CSMD2: variants seen among roughly 807,000 people sequenced by gnomAD.
CSMD2 encodes CUB and sushi domain-containing protein 2.
A neutral mutation model predicts 398.5 loss-of-function variants in CSMD2; 130 were observed. That is an observed-to-expected ratio of 0.33 (90% confidence interval 0.28 to 0.38). The LOEUF is 0.38. Among genes scored for constraint, CSMD2 ranks in the 10% least tolerant of loss-of-function variants. The pLI is 1.00. For synonymous variants in CSMD2, 1,828 were observed against 1,908.5 expected, an observed-to-expected ratio of 0.96 and a Z score of 1.10; for missense variants, 3,829 against 4,764.9, an observed-to-expected ratio of 0.80 and a Z score of 5.78.
chr1:33,810,862 G>A lies in CSMD2; in HGVS notation c.1327C>T (p.Arg443Cys), dbSNP rs756930638. 6 of 1,610,074 alleles carry A rather than the reference G, an allele frequency of 3.7e-6. No homozygotes were observed. The highest frequency in any genetic ancestry group is 1.3e-5 in the African/African-American group (1 of 74,500). ...WSDHRPVCRA[R>C]MCDAHLRGPS... is the part of the protein sequence containing the mutation. The stretch of plus-strand genomic sequence containing the variant: ...CCTCGAAGGTGGGCATCACACATGC[G>A]GGCTGCAGAGGAGATGAAAGACAAG... The change falls in exon 10 of 71, where the codon CGC (arginine) becomes TGC (cysteine). Residue 443 changes from arginine to cysteine, a missense_variant and splice_region_variant. Around this residue, in one of 5 missense-constraint regions of CSMD2, gnomAD observed 2,001 missense variants for 2,567.1 expected, o/e 0.78. Transcript: ENST00000373381.
intron 1 of CSMD2, among the ~76,000 whole-genome samples, chr1:34,102,116 C>T (rs554386942): frequency 8.5e-5 from 13 of 152,132 alleles, no homozygotes; most frequent in South Asian, 4.2e-4. Flanking sequence ...CTGCAAGCTC[C>T]GCTTCCCAGG....
Position 33,559,320 on chromosome 1 carries a change from T to A in CSMD2, c.8534A>T (p.Asp2845Val). ...CTCACTTCTGCAGGTGGGCAGCATG[T>A]CACTCCATTGCCCGCTGGCCAGGCA... ...SQCLASGQWS[D>V]MLPTCRIINC... The change falls in exon 54 of 71, where the codon GAC becomes GTC. Residue 2845 changes from aspartate to valine, a missense_variant. By Grantham distance (152) the Asp-to-Val change is radical (BLOSUM62 -3). This residue lies in a region of CSMD2 where 917 missense variants were observed against 1,199.5 expected (regional missense o/e 0.76). Coordinates refer to ENST00000373381, the MANE Select transcript of CSMD2 (RefSeq NM_001281956.2). This position sits in a 1 kb window ranked among gnomAD's most constrained non-coding sequence, Gnocchi z 4.0. 1.3e-6 allele frequency: 2 copies of A among 1,535,500 alleles called. No individual in the cohort carries two copies. Among genetic ancestry groups the A allele is most frequent in the South Asian group, 2.4e-5 (2 of 84,026 alleles).
At chr1:33,816,354 A>G (rs1657462818) in intron 9 of CSMD2, among the ~76,000 whole-genome samples, 1 of 152,092 alleles carries the variant, frequency 6.6e-6, no homozygotes, top group Non-Finnish European at 1.5e-5. Context: ...AAGAAATCAG[A>G]GCTGGTTGTT....
At chr1:34,037,110 T>TA (rs962692831) in intron 2 of CSMD2, among the ~76,000 whole-genome samples, 2 of 120,786 alleles carry the variant, frequency 1.7e-5, no homozygotes, top group Non-Finnish European at 3.5e-5. Context: ...CCTCTACCAA[T>TA]AAAAAATTAA....
chr1:33,905,286 A>G (rs1239839330), intron 5 of CSMD2, among the ~76,000 whole-genome samples: 2 of 152,210 alleles, frequency 1.3e-5, no homozygotes, highest in African/African-American at 2.4e-5. Flanking sequence ...GGGTAGTCCA[A>G]GCATAAAGGC....
intron 2 of CSMD2, among the ~76,000 whole-genome samples, chr1:34,069,278 G>A (rs1266225662): frequency 6.6e-6 from 1 of 152,164 alleles, no homozygotes; most frequent in Non-Finnish European, 1.5e-5. Flanking sequence ...ACAAAGCAGT[G>A]TGCTGAGGTC....
intron 2 of CSMD2, among the ~76,000 whole-genome samples, chr1:34,085,399 T>TAATA (rs1558359178): frequency 1.3e-5 from 2 of 150,456 alleles, no homozygotes; most frequent in South Asian, 2.1e-4. Flanking sequence ...ATAATAATAA[T>TAATA]AATAAATAAA....
At chr1:33,813,596 C>T (rs954301793) in intron 9 of CSMD2, among the ~76,000 whole-genome samples, 1 of 150,114 alleles carries the variant, frequency 6.7e-6, no homozygotes, top group Non-Finnish European at 1.5e-5. Flanking sequence ...CAGCTACTCC[C>T]ATTTTTCCTC....
chr1:33,820,809 A>G (rs1188838573), intron 7 of CSMD2, among the ~76,000 whole-genome samples: 5 of 151,858 alleles, frequency 3.3e-5, no homozygotes, highest in African/African-American at 1.2e-4. Context: ...GCTCAGAGAC[A>G]GGCCCTCCAT....
intron 13 of CSMD2, among the ~76,000 whole-genome samples, chr1:33,746,551 C>A (rs966862203): frequency 1.3e-5 from 2 of 152,164 alleles, no homozygotes; most frequent in Admixed American, 6.5e-5. Context: ...TCCAGGGGCA[C>A]CATTTTGGAA....
intron 46 of CSMD2, 60 bp downstream of exon 46, chr1:33,586,444 C>G (rs1639084342): frequency 8.9e-7 from 1 of 1,126,048 alleles, no homozygotes; most frequent in East Asian, 2.4e-5. Flanking sequence ...AGGAGCAAAA[C>G]AAGAGCTTTG....
chr1:33,831,801 A>G (rs1008424263), intron 6 of CSMD2, among the ~76,000 whole-genome samples: 1 of 151,592 alleles, frequency 6.6e-6, no homozygotes, highest in African/African-American at 2.4e-5. Context: ...GGCTCAAAAT[A>G]AAAGGATGGA....
intron 1 of CSMD2, among the ~76,000 whole-genome samples, chr1:34,092,948 G>A (rs1228035067): frequency 6.6e-6 from 1 of 152,036 alleles, no homozygotes; most frequent in African/African-American, 2.4e-5. Flanking sequence ...CTCCACCTCT[G>A]GGGGCAGGGC....
At chr1:33,662,787 A>G (rs2149000393) in intron 26 of CSMD2, 103 bp downstream of exon 26, 1 of 1,054,808 alleles carries the variant, frequency 9.5e-7, no homozygotes, top group African/African-American at 1.6e-5. Context: ...TTCAATAACT[A>G]TCTTTACATG....
intron 37 of CSMD2, among the ~76,000 whole-genome samples, chr1:33,619,040 T>G (rs980425515): frequency 3.9e-5 from 6 of 152,216 alleles, no homozygotes; most frequent in African/African-American, 1.4e-4. Context: ...CTGCCTCTCC[T>G]GTGCTCTGCA....
intron 25 of CSMD2, among the ~76,000 whole-genome samples, chr1:33,688,361 A>C: frequency 6.6e-6 from 1 of 152,220 alleles, no homozygotes; most frequent in East Asian, 1.9e-4. Flanking sequence ...TGTGCATTAC[A>C]TTTGCTTTAT....
In CSMD2 at chr1:34,133,449, G is replaced by A. The variant is rs10914872; in HGVS notation, c.187+31462C>T. 1.8e-3 allele frequency among the ~76,000 whole-genome samples: 269 copies of A among 152,120 alleles called. 1 individual carries two copies. Among genetic ancestry groups the A allele is most frequent in the African/African-American group, 6.1e-3 (252 of 41,504 alleles). ...AGTTCGAGACCAGCCTGGTCAACAT[G>A]GCAAAACCCTGTCTCTACTAAAAAT... On this transcript the variant is annotated intron_variant, in intron 1 of 70. Coordinates refer to ENST00000373381, the MANE Select transcript of CSMD2 (RefSeq NM_001281956.2).
chr1:33,725,439 G>C lies in CSMD2; in HGVS notation c.2605C>G (p.Gln869Glu). 2 of 1,614,132 alleles carry C rather than the reference G, an allele frequency of 1.2e-6. No individual in the cohort carries two copies. The highest frequency in any genetic ancestry group is 1.7e-6 in the Non-Finnish European group (2 of 1,179,968). Residue 869 changes from glutamine to glutamate, a missense_variant, in exon 17 of 71, where the codon CAG (glutamine) becomes GAG (glutamate). Around this residue, in one of 5 missense-constraint regions of CSMD2, gnomAD observed 2,001 missense variants for 2,567.1 expected, o/e 0.78. Coordinates refer to ENST00000373381, the MANE Select transcript of CSMD2 (RefSeq NM_001281956.2). ...IGVYHGTQVPQFLISTSNYLY... is the reference protein window; with the variant it reads ...IGVYHGTQVPEFLISTSNYLY... Reference sequence around the variant, plus strand: ...TAGTTGCTGGTGCTGATGAGGAACTGGGGAACCTGGGTCCCGTGGTAAACC... The same window carrying C: ...TAGTTGCTGGTGCTGATGAGGAACTCGGGAACCTGGGTCCCGTGGTAAACC...
At chr1:34,062,343 T>C (rs1361028344) in intron 2 of CSMD2, among the ~76,000 whole-genome samples, 1 of 152,192 alleles carries the variant, frequency 6.6e-6, no homozygotes, top group African/African-American at 2.4e-5. Flanking sequence ...ACACATGTCA[T>C]TGACATCCAT....
Sources: allele counts gnomAD v4.1 joint callset (sites outside exome capture counted in the v4.1 genomes callset), GRCh38; gene constraint gnomAD v4.1.1; regional missense constraint gnomAD v4.1.1; non-coding constraint Gnocchi (gnomAD v3.1); transcripts MANE v1.5; gene names NCBI Gene and HGNC (gene_info 2026-07-23, HGNC 2026-07-21).